CRY1: variants seen among roughly 807,000 people sequenced by gnomAD.
The protein encoded by CRY1 is cryptochrome circadian regulator 1, also known as cryptochrome-1.
CRY1 carries 45 observed loss-of-function variants against 76.0 expected under a neutral mutation model. The ratio of observed to expected loss-of-function variants is 0.59; its 90% confidence interval spans 0.47 to 0.76. The LOEUF is 0.76. Ranked by LOEUF, CRY1 falls within the 30% of genes least tolerant of loss-of-function variation. The pLI is 0.00. For synonymous variants in CRY1, 248 were observed against 244.0 expected (o/e 1.02, Z -0.15); for missense variants, 587 against 716.4 (o/e 0.82, Z 2.06).
chr12:107,043,760 T>G (rs903695822), intron 1 of CRY1, among the ~76,000 whole-genome samples: 1 of 152,158 alleles, frequency 6.6e-6, no homozygotes, highest in Non-Finnish European at 1.5e-5. Context: ...TCTGGGTATT[T>G]GCTGCCACTA....
chr12:107,091,038 A>AT (rs1397742908), intron 1 of CRY1, among the ~76,000 whole-genome samples: 3 of 151,434 alleles, frequency 2.0e-5, no homozygotes, highest in African/African-American at 2.4e-5. Flanking sequence ...GCACCAAACT[A>AT]TAAGTCCTTT....
rs193263823 is a variant in CRY1, at chr12:107,027,420, G to A, written c.159-5228C>T. Among the ~76,000 whole-genome samples, 7 of 152,102 alleles carry A rather than the reference G, an allele frequency of 4.6e-5. No homozygotes were observed. The East Asian group carries it at 1.4e-3, about 29-fold the overall frequency. On this transcript the variant is annotated intron_variant, in intron 1 of 12. Coordinates refer to ENST00000008527, the MANE Select transcript of CRY1 (RefSeq NM_004075.5). ...CCCATTTGATGGCTCCGTTATTACT[G>A]CTATTAACTACATACAACAGGTTGC...
At position 107,057,076 on chromosome 12, in the gene CRY1, TA is replaced by T. The variant is rs199629011; in HGVS notation, c.159-34885del. Among the ~76,000 whole-genome samples the T allele has an allele frequency of 3.5e-3, 528 of 151,536 alleles. 20 individuals are homozygous for T. The highest frequency in any genetic ancestry group is 0.031 in the Admixed American group (471 of 15,212). ...AATATGTAAAGCTATCATGTAACAATAAAAAAAAGAAAAAATTAAGAGAAAA... is the reference window on the plus strand; with the variant it reads ...AATATGTAAAGCTATCATGTAACAATAAAAAAAGAAAAAATTAAGAGAAAA... On this transcript the variant is annotated intron_variant, in intron 1 of 12. Coordinates refer to ENST00000008527, the MANE Select transcript of CRY1 (RefSeq NM_004075.5).
chr12:107,048,949 C>T (rs889735012), intron 1 of CRY1, among the ~76,000 whole-genome samples: 6 of 151,872 alleles, frequency 4.0e-5, no homozygotes, highest in Admixed American at 2.0e-4. Context: ...TATTTTTTAC[C>T]GTGTTCCAGA....
rs112594460 is a variant in CRY1, at chr12:107,047,722, A to G, written c.159-25530T>C. 2.7e-3 allele frequency among the ~76,000 whole-genome samples: 407 copies of G among 152,224 alleles called. 1 individual carries two copies. The highest frequency in any genetic ancestry group is 4.6e-3 in the Non-Finnish European group (310 of 68,002). ...CCCTGCAGAACTGTGAGTCAATTAA[A>G]CCTCTTTTCTTTATAAATTACCCAG... On this transcript the variant is annotated intron_variant, in intron 1 of 12. Coordinates refer to ENST00000008527, the MANE Select transcript of CRY1 (RefSeq NM_004075.5).
intron 1 of CRY1, among the ~76,000 whole-genome samples, chr12:107,066,326 G>A (rs1953110310): frequency 1.3e-5 from 2 of 152,090 alleles, no homozygotes; most frequent in African/African-American, 4.8e-5. Context: ...TTAAAATGGT[G>A]TACATAATAT....
intron 1 of CRY1, among the ~76,000 whole-genome samples, chr12:107,030,466 T>A (rs1338506501): frequency 1.3e-5 from 2 of 152,174 alleles, no homozygotes. Flanking sequence ...GAAAATTAAT[T>A]TGACAGCTTT....
At chr12:107,041,563 T>C (rs1354706139) in intron 1 of CRY1, among the ~76,000 whole-genome samples, 1 of 152,206 alleles carries the variant, frequency 6.6e-6, no homozygotes, top group East Asian at 1.9e-4. Context: ...ACTTTTACTA[T>C]TCCATGTGTA....
At chr12:107,047,804 G>A (rs1013297040) in intron 1 of CRY1, among the ~76,000 whole-genome samples, 3 of 151,972 alleles carry the variant, frequency 2.0e-5, no homozygotes, top group African/African-American at 7.3e-5. Context: ...ACCTATGTCA[G>A]AAAAGTAGGA....
chr12:107,052,875 T>C (rs1437452048), intron 1 of CRY1, among the ~76,000 whole-genome samples: 1 of 152,228 alleles, frequency 6.6e-6, no homozygotes, highest in African/African-American at 2.4e-5. Flanking sequence ...TTGTAGACTA[T>C]GGTAAGGGCT....
Position 107,000,098 on chromosome 12 carries a change from GAAAATTATATT to G in CRY1, c.685-27_685-17del, listed in dbSNP as rs778983309. 1 of 1,573,590 alleles carries G rather than the reference GAAAATTATATT, an allele frequency of 6.4e-7. No homozygotes were observed. The highest frequency in any genetic ancestry group is 2.0e-5 in the Admixed American group (1 of 48,972). On this transcript the variant is annotated splice_polypyrimidine_tract_variant and intron_variant, in intron 5 of 12. Transcript: ENST00000008527. ...CCACCCAAGCCTGAAAACACACAGA[GAAAATTATATT>G]AACTAATTGTCTTTTTCATTTTAAA... is the stretch of plus-strand genomic sequence containing the variant.
chr12:107,068,227 A>G (rs1016757144), intron 1 of CRY1, among the ~76,000 whole-genome samples: 2 of 152,210 alleles, frequency 1.3e-5, no homozygotes, highest in Admixed American at 1.3e-4. Context: ...AAAGTTTGCC[A>G]ATCTCTGATA....
At chr12:107,075,854 G>T (rs928920453) in intron 1 of CRY1, among the ~76,000 whole-genome samples, 1 of 152,108 alleles carries the variant, frequency 6.6e-6, no homozygotes, top group Middle Eastern at 3.2e-3. Flanking sequence ...GATTTAATTT[G>T]AAGGGAAAAG....
intron 1 of CRY1, among the ~76,000 whole-genome samples, chr12:107,091,187 G>A (rs1157815960): frequency 6.6e-6 from 1 of 152,018 alleles, no homozygotes; most frequent in Non-Finnish European, 1.5e-5. Flanking sequence ...TAACAGGCAT[G>A]CGCCACCATG....
chr12:106,992,606 C>G, intron 12 of CRY1, 181 bp downstream of exon 12: 1 of 548,022 alleles, frequency 1.8e-6, no homozygotes, highest in South Asian at 2.4e-5. Flanking sequence ...GCAACAATTT[C>G]TCCAGTACAG....
chr12:106,992,239 A>G (rs903118349), intron 12 of CRY1: 1 of 152,180 alleles, frequency 6.6e-6, no homozygotes, highest in Non-Finnish European at 1.5e-5. Flanking sequence ...TAAATCACAA[A>G]ATGACATCCC....
intron 1 of CRY1, among the ~76,000 whole-genome samples, chr12:107,076,184 TCA>T (rs942015388): frequency 2.6e-5 from 4 of 151,896 alleles, no homozygotes; most frequent in African/African-American, 9.7e-5. Flanking sequence ...GCAAAAGAAC[TCA>T]GACCTGGAAT....
At chr12:107,072,162 T>C (rs1953197911) in intron 1 of CRY1, among the ~76,000 whole-genome samples, 1 of 136,682 alleles carries the variant, frequency 7.3e-6, no homozygotes, top group Non-Finnish European at 1.6e-5. Flanking sequence ...CATTCTTTTG[T>C]CTTTCTACAA....
chr12:107,020,809 A>G (rs1341636046), intron 2 of CRY1, among the ~76,000 whole-genome samples: 1 of 152,200 alleles, frequency 6.6e-6, no homozygotes, highest in Non-Finnish European at 1.5e-5. Flanking sequence ...AGGGATGAAT[A>G]CAAAAAGGGC....
Sources: gnomAD v4.1 joint callset for allele counts (sites outside exome capture counted in the v4.1 genomes callset) on GRCh38, gnomAD v4.1.1 for gene constraint, MANE v1.5 for transcripts, NCBI Gene and HGNC (gene_info 2026-07-23, HGNC 2026-07-21) for gene names.